Variants in SYNPR observed in about 807,000 individuals in gnomAD.
The protein encoded by SYNPR is synaptoporin.
A neutral mutation model predicts 32.9 loss-of-function variants in SYNPR; 23 were observed. That is an observed-to-expected ratio of 0.70 (90% confidence interval 0.50 to 0.99). SYNPR has a LOEUF of 0.99. Ranked by LOEUF, SYNPR falls within the 50% of genes least tolerant of loss-of-function variation. The probability of loss-of-function intolerance (pLI) is 0.00; values close to 1 mark genes in which losing one functional copy is unlikely to be tolerated. For synonymous variants in SYNPR, 146 were observed against 135.9 expected (o/e 1.07, Z -0.52); for missense variants, 318 against 349.3 (o/e 0.91, Z 0.71).
intron 2 of SYNPR, among the ~76,000 whole-genome samples, chr3:63,311,773 G>A (rs902209557): frequency 6.6e-6 from 1 of 151,902 alleles, no homozygotes; most frequent in African/African-American, 2.4e-5. Context: ...CATCAAACAG[G>A]TTATGTCATT....
intron 2 of SYNPR, among the ~76,000 whole-genome samples, chr3:63,253,509 T>C (rs2086355559): frequency 6.6e-6 from 1 of 152,210 alleles, no homozygotes; most frequent in Non-Finnish European, 1.5e-5. Context: ...TTCTATATAT[T>C]GTATTTGTTT....
At chr3:63,543,289 A>T (rs1702339891) in intron 3 of SYNPR, among the ~76,000 whole-genome samples, 3 of 152,140 alleles carry the variant, frequency 2.0e-5, no homozygotes, top group African/African-American at 7.2e-5. Flanking sequence ...TCTGATTTGG[A>T]GTTGTCAGAA....
chr3:63,380,106 G>T (rs35763090), intron 2 of SYNPR, among the ~76,000 whole-genome samples: 52,500 of 151,960 alleles, frequency 0.35, 9,290 homozygotes, highest in Middle Eastern at 0.46. Flanking sequence ...ATTTGGGTTG[G>T]TTCCAAGTCT....
At chr3:63,211,158 T>A in the SYNPR span, among the ~76,000 whole-genome samples, 8 of 152,158 alleles carry the variant, frequency 5.3e-5, no homozygotes, top group Non-Finnish European at 1.0e-4. Flanking sequence ...AACCTCCACC[T>A]CCTGGGTTCA....
At position 63,511,162 on chromosome 3, in the gene SYNPR, T is replaced by C. The variant is rs143821739; in HGVS notation, c.209+30206T>C. ...CATGGACCCTGAGTACTGGGAATCATGGGCCTAGAAAGGCCTGAATGAAAA... is the reference window on the plus strand; with the variant it reads ...CATGGACCCTGAGTACTGGGAATCACGGGCCTAGAAAGGCCTGAATGAAAA... On this transcript the variant is annotated intron_variant, in intron 3 of 5. Coordinates refer to ENST00000478300, the MANE Select transcript of SYNPR (RefSeq NM_001130003.2). Among the ~76,000 whole-genome samples, 112 of 145,286 alleles carry C rather than the reference T, an allele frequency of 7.7e-4. 1 individual carries two copies. The highest frequency in any genetic ancestry group is 1.4e-3 in the Admixed American group (20 of 14,380).
In SYNPR at chr3:63,494,454, TATATAC is replaced by T. The variant is rs1559516391; in HGVS notation, c.209+13504_209+13509del. Among the ~76,000 whole-genome samples the T allele has an allele frequency of 6.3e-3, 885 of 140,810 alleles. 41 individuals carry two copies. The East Asian group carries it at 0.11, about 18-fold the overall frequency. 92.4% of individuals were successfully genotyped at this position (140,810 alleles called of 152,430 possible). A position where few individuals can be genotyped will look rare whatever the true frequency, so the allele number is the denominator to read the frequency against. ...ATATACGTATATATATATACACATA[TATATAC>T]ATATATACACATATATACATATATA... On this transcript the variant is annotated intron_variant, in intron 3 of 5. Transcript: ENST00000478300.
At chr3:63,254,156 C>T (rs7646481) in intron 2 of SYNPR, among the ~76,000 whole-genome samples, 2,014 of 151,908 alleles carry the variant, frequency 0.013, 48 homozygotes, top group African/African-American at 0.046. Context: ...CATCACACAC[C>T]GGGGCGTGTT....
intron 4 of SYNPR, among the ~76,000 whole-genome samples, chr3:63,584,792 C>T (rs1703154330): frequency 6.6e-6 from 1 of 151,988 alleles, no homozygotes; most frequent in Admixed American, 6.6e-5. Flanking sequence ...CAAATGGGGC[C>T]ACAGATTGTA....
intron 2 of SYNPR, among the ~76,000 whole-genome samples, chr3:63,305,580 A>C (rs996012577): frequency 6.6e-6 from 1 of 152,038 alleles, no homozygotes; most frequent in African/African-American, 2.4e-5. Context: ...GATAAATAAC[A>C]ACCTGGAGAA....
At chr3:63,613,917 G>T (rs1186853780) in intron 5 of SYNPR, among the ~76,000 whole-genome samples, 3 of 152,158 alleles carry the variant, frequency 2.0e-5, no homozygotes, top group African/African-American at 7.2e-5. Flanking sequence ...AAAGCCTATA[G>T]AGATTTCTCC....
chr3:63,282,860 T>G (rs191328229), intron 2 of SYNPR, among the ~76,000 whole-genome samples: 44 of 152,334 alleles, frequency 2.9e-4, no homozygotes, highest in East Asian at 2.9e-3. Flanking sequence ...TGTAGATAAT[T>G]TATTGAATCA....
intron 2 of SYNPR, among the ~76,000 whole-genome samples, chr3:63,260,714 G>C (rs2086430520): frequency 6.6e-6 from 1 of 151,900 alleles, no homozygotes; most frequent in African/African-American, 2.4e-5. Flanking sequence ...AGCCAAAATT[G>C]ACAAATGGGA....
intron 2 of SYNPR, among the ~76,000 whole-genome samples, chr3:63,291,272 ATGTCTT>A (rs2086735983): frequency 6.6e-6 from 1 of 152,076 alleles, no homozygotes; most frequent in Non-Finnish European, 1.5e-5. Context: ...CCTTGGGTAA[ATGTCTT>A]TATCTTTCTG....
intron 2 of SYNPR, among the ~76,000 whole-genome samples, chr3:63,352,754 C>T (rs555628716): frequency 7.2e-5 from 11 of 152,158 alleles, no homozygotes; most frequent in South Asian, 6.2e-4. Context: ...TTCACAATCA[C>T]GGGGGAAGAC....
At chr3:63,451,309 C>A (rs550814636) in intron 2 of SYNPR, among the ~76,000 whole-genome samples, 2 of 152,184 alleles carry the variant, frequency 1.3e-5, no homozygotes, top group Non-Finnish European at 2.9e-5. Flanking sequence ...AACCATTTCC[C>A]CAGTCTACCA....
the SYNPR span, among the ~76,000 whole-genome samples, chr3:63,223,282 C>T: frequency 7.5e-6 from 1 of 134,094 alleles, no homozygotes; most frequent in Non-Finnish European, 1.7e-5. Context: ...TAATGTCTAC[C>T]AAAGACCCTG....
At chr3:63,609,928 A>C (rs563001728) in intron 5 of SYNPR, among the ~76,000 whole-genome samples, 1 of 152,248 alleles carries the variant, frequency 6.6e-6, no homozygotes, top group South Asian at 2.1e-4. Context: ...AAACAAAAAA[A>C]CCTGAACTTT....
At chr3:63,340,419 A>T (rs375191046) in intron 2 of SYNPR, among the ~76,000 whole-genome samples, 19 of 128,514 alleles carry the variant, frequency 1.5e-4, no homozygotes, top group Middle Eastern at 4.5e-3. Context: ...AAAAAAATGT[A>T]TTTTTTTTTT....
intron 4 of SYNPR, among the ~76,000 whole-genome samples, chr3:63,561,939 C>T (rs1031685882): frequency 1.3e-5 from 2 of 151,984 alleles, no homozygotes; most frequent in African/African-American, 4.8e-5. Context: ...AATCTGAATG[C>T]CTTTAGAAGT....
Sources: allele counts gnomAD v4.1 joint callset (sites outside exome capture counted in the v4.1 genomes callset), GRCh38; gene constraint gnomAD v4.1.1; transcripts MANE v1.5; gene names NCBI Gene and HGNC (gene_info 2026-07-23, HGNC 2026-07-21).